The following TEX9 variants were observed in gnomAD, a reference collection of about 807,000 sequenced individuals.
TEX9 encodes testis expressed 9.
A neutral mutation model predicts 59.6 loss-of-function variants in TEX9; 74 were observed. The observed-to-expected ratio is 1.24, with a 90% CI of 1.03 to 1.51. The LOEUF is 1.51. Among genes scored for constraint, TEX9 ranks in the 40% most tolerant of loss-of-function variants. The probability of loss-of-function intolerance (pLI) is 0.00; values close to 1 mark genes in which losing one functional copy is unlikely to be tolerated. For missense variants in TEX9, 522 were observed against 447.8 expected (o/e 1.17, Z -1.49); for synonymous variants, 186 against 152.2 (o/e 1.22, Z -1.64).
chr15:56,400,865 A>G lies in TEX9; in HGVS notation c.828+6031A>G, dbSNP rs139992007. Among the ~76,000 whole-genome samples the G allele has an allele frequency of 3.0e-4, 45 of 152,322 alleles. 2 individuals carry two copies. In the East Asian group the frequency reaches 8.3e-3, roughly 28 times the overall value. ...TAAAGAATTTTCAATCTAGAATTTC[A>G]TATCTAGCCAAACTAAGCTTCATAA... On this transcript the variant is annotated intron_variant, in intron 9 of 12. Transcript: ENST00000352903.
At chr15:56,247,123 T>C (rs1221446049) in intron 1 of TEX9, among the ~76,000 whole-genome samples, 1 of 152,222 alleles carries the variant, frequency 6.6e-6, no homozygotes, top group South Asian at 2.1e-4. Flanking sequence ...CAATCCATTA[T>C]ATTGTCTTGC....
At chr15:56,425,639 C>T (rs1806586346) in intron 10 of TEX9, among the ~76,000 whole-genome samples, 1 of 152,058 alleles carries the variant, frequency 6.6e-6, no homozygotes, top group Non-Finnish European at 1.5e-5. Flanking sequence ...TCAATATTCT[C>T]CTTCAGCTCA....
chr15:56,321,172 T>C (rs1318614124), intron 1 of TEX9, among the ~76,000 whole-genome samples: 1 of 152,154 alleles, frequency 6.6e-6, no homozygotes, highest in Non-Finnish European at 1.5e-5. Context: ...GTGGGTGTGA[T>C]ATAATCAAAG....
chr15:56,427,624 A>G, exon 11 of TEX9: 1 of 1,538,662 alleles, frequency 6.5e-7, no homozygotes, highest in Non-Finnish European at 8.7e-7. Context: ...AATGAAGAAC[A>G]CAAAAAAATT....
intron 1 of TEX9, among the ~76,000 whole-genome samples, chr15:56,306,194 G>A (rs12440339): frequency 7.2e-6 from 1 of 139,074 alleles, no homozygotes. Flanking sequence ...CAGTATGGAG[G>A]TTCCTCAGAA....
chr15:56,383,875 C>A, intron 3 of TEX9, 77 bp from the exon 4 acceptor site: 1 of 1,018,508 alleles, frequency 9.8e-7, no homozygotes. Flanking sequence ...GATGAATGTT[C>A]AGAGAGGCAC....
intron 1 of TEX9, among the ~76,000 whole-genome samples, chr15:56,274,975 A>T (rs1310811540): frequency 6.6e-6 from 1 of 152,156 alleles, no homozygotes; most frequent in Non-Finnish European, 1.5e-5. Context: ...GTCACTCTCC[A>T]AGGTATCTTA....
At chr15:56,321,129 T>C (rs1248925671) in intron 1 of TEX9, among the ~76,000 whole-genome samples, 1 of 152,222 alleles carries the variant, frequency 6.6e-6, no homozygotes, top group Admixed American at 6.5e-5. Flanking sequence ...GTGTGATTCA[T>C]GGGTCAGAGT....
At chr15:56,339,404 A>ACAAAAC (rs2046328693) in intron 1 of TEX9, among the ~76,000 whole-genome samples, 1 of 138,618 alleles carries the variant, frequency 7.2e-6, no homozygotes, top group Non-Finnish European at 1.6e-5. Context: ...AAAAAAAAAA[A>ACAAAAC]AAAAAAAAAA....
chr15:56,327,432 A>T (rs754891423), intron 1 of TEX9, among the ~76,000 whole-genome samples: 5 of 152,176 alleles, frequency 3.3e-5, no homozygotes, highest in Non-Finnish European at 7.3e-5. Context: ...ATACCATTGG[A>T]GGGGGTGAAG....
chr15:56,306,215 A>G lies in TEX9; in HGVS notation c.-107+61937A>G, dbSNP rs1424790330. ...GGAGGTTCCTCAGAAAACTAGAAAT[A>G]AAACTACCAGCAATGCCACTGCTAG... On this transcript the variant is annotated intron_variant, in intron 1 of 5. Coordinates refer to the TEX9 transcript ENST00000560827. Among the ~76,000 whole-genome samples the G allele has an allele frequency of 3.5e-5, 5 of 143,806 alleles. No homozygotes were observed. In the Admixed American group the frequency reaches 3.8e-4, roughly 11 times the overall value. The allele number at this position is 143,806 out of a possible 152,430, so 94.3% of individuals were successfully genotyped here.
At chr15:56,329,909 C>G (rs2046105147) in intron 1 of TEX9, among the ~76,000 whole-genome samples, 2 of 151,868 alleles carry the variant, frequency 1.3e-5, no homozygotes, top group African/African-American at 4.8e-5. Flanking sequence ...TTATTAATAT[C>G]CAAGTACAAG....
Position 56,399,091 on chromosome 15 carries a change from A to T in TEX9, c.828+4257A>T, listed in dbSNP as rs1215545156. On this transcript the variant is annotated intron_variant, in intron 9 of 12. Coordinates refer to ENST00000352903, the Ensembl canonical transcript of TEX9. ...CATTTCCAACTGAGGTACCTGGTTC[A>T]TCTCACTGGGACTGATTGGACAGTG... 3.3e-5 allele frequency among the ~76,000 whole-genome samples: 5 copies of T among 152,330 alleles called. No homozygotes were observed. In the South Asian group the frequency reaches 1.0e-3, roughly 32 times the overall value.
In TEX9 at chr15:56,442,006, C is replaced by T. The variant is rs144810220; in HGVS notation, c.*30-3665C>T. The stretch of plus-strand genomic sequence containing the variant: ...CTGCACTCCAACCTGGGCGACAGAG[C>T]GAGACTCCCATCTCAAAAAATAATA... On this transcript the variant is annotated intron_variant, in intron 12 of 12. Coordinates refer to ENST00000352903, the Ensembl canonical transcript of TEX9. 1.1e-3 allele frequency among the ~76,000 whole-genome samples: 164 copies of T among 151,558 alleles called. 1 individual carries two copies. Among genetic ancestry groups the T allele is most frequent in the African/African-American group, 3.5e-3 (143 of 41,300 alleles).
chr15:56,421,794 A>G (rs1321222250), intron 10 of TEX9: 1 of 151,410 alleles, frequency 6.6e-6, no homozygotes, highest in Admixed American at 6.6e-5. Context: ...AAGGACATGA[A>G]CTCATCATTT....
chr15:56,442,102 T>C (rs1297841876), intron 12 of TEX9, among the ~76,000 whole-genome samples: 1 of 151,834 alleles, frequency 6.6e-6, no homozygotes, highest in Non-Finnish European at 1.5e-5. Context: ...CAAAAAATGA[T>C]ATATATGTAG....
chr15:56,389,896 G>A (rs2048127176), intron 6 of TEX9, among the ~76,000 whole-genome samples: 1 of 151,860 alleles, frequency 6.6e-6, no homozygotes, highest in African/African-American at 2.4e-5. Flanking sequence ...AGTATTATAA[G>A]CATAAAAAGG....
chr15:56,391,835 G>A (rs569202425), intron 7 of TEX9, among the ~76,000 whole-genome samples: 2 of 152,092 alleles, frequency 1.3e-5, no homozygotes, highest in African/African-American at 4.8e-5. Flanking sequence ...TTTATTGCAT[G>A]TTAAATCAAC....
intron 1 of TEX9, among the ~76,000 whole-genome samples, chr15:56,309,339 T>C (rs1412775789): frequency 6.6e-6 from 1 of 152,214 alleles, no homozygotes; most frequent in Non-Finnish European, 1.5e-5. Flanking sequence ...TATTTTTTAA[T>C]TCTGTTGGTA....
Sources: allele counts gnomAD v4.1 joint callset (sites outside exome capture counted in the v4.1 genomes callset), GRCh38; gene constraint gnomAD v4.1.1; transcripts MANE v1.5; gene names NCBI Gene and HGNC (gene_info 2026-07-23, HGNC 2026-07-21).